Variants in JARID2 observed in about 807,000 individuals in gnomAD.
The protein encoded by JARID2 is protein Jumonji.
Under a neutral mutation model 125.6 loss-of-function variants are expected in JARID2, and 21 were observed. The observed-to-expected ratio is 0.17, with a 90% CI of 0.12 to 0.24. The LOEUF (loss-of-function observed/expected upper bound fraction) is 0.24, where lower values mean the gene tolerates loss of function less well. Ranked by LOEUF, JARID2 falls within the 10% of genes least tolerant of loss-of-function variation. JARID2 has a pLI of 1.00. For missense variants in JARID2, 1,303 were observed against 1,639.6 expected (o/e 0.79, Z 3.55); for synonymous variants, 736 against 661.6 (o/e 1.11, Z -1.73).
At position 15,426,510 on chromosome 6, in the gene JARID2, C is replaced by G. The variant is rs112326417; in HGVS notation, c.323+16145C>G. ...TAGTTTGTAGAATTAAATGAAATAACCTGTCTCCACACTATGTAGGAGGTT... is the reference window on the plus strand; with the variant it reads ...TAGTTTGTAGAATTAAATGAAATAAGCTGTCTCCACACTATGTAGGAGGTT... On this transcript the variant is annotated intron_variant, in intron 3 of 17. Coordinates refer to ENST00000341776, the MANE Select transcript of JARID2 (RefSeq NM_004973.4). Among the ~76,000 whole-genome samples the G allele has an allele frequency of 3.2e-4, 49 of 152,274 alleles. 1 individual carries two copies. Among genetic ancestry groups the G allele is most frequent in the Non-Finnish European group, 5.1e-4 (35 of 68,018 alleles).
At chr6:15,419,058 C>A (rs1424176742) in intron 3 of JARID2, among the ~76,000 whole-genome samples, 1 of 152,038 alleles carries the variant, frequency 6.6e-6, no homozygotes, top group South Asian at 2.1e-4. Flanking sequence ...TAAATAAGTG[C>A]CTAGTTTTTA....
intron 4 of JARID2, among the ~76,000 whole-genome samples, chr6:15,460,118 C>T (rs1395741211): frequency 1.3e-5 from 2 of 152,118 alleles, no homozygotes; most frequent in African/African-American, 2.4e-5. Context: ...TTGGTTTTCT[C>T]CTAGAGTCAG....
chr6:15,290,995 G>T (rs1761187215), intron 1 of JARID2, among the ~76,000 whole-genome samples: 1 of 152,150 alleles, frequency 6.6e-6, no homozygotes, highest in South Asian at 2.1e-4. Context: ...CCTTTGGGAG[G>T]CTGAGGCAGT....
At chr6:15,347,285 T>C (rs1416952044) in intron 1 of JARID2, among the ~76,000 whole-genome samples, 1 of 152,120 alleles carries the variant, frequency 6.6e-6, no homozygotes, top group African/African-American at 2.4e-5. Flanking sequence ...TTTGAAAGTA[T>C]TTAGAAAGGA....
At chr6:15,383,248 A>G (rs1454494746) in intron 2 of JARID2, among the ~76,000 whole-genome samples, 1 of 149,138 alleles carries the variant, frequency 6.7e-6, no homozygotes, top group East Asian at 2.0e-4. Flanking sequence ...CAGTCTTCCC[A>G]CCTCACCTTC....
At chr6:15,405,288 C>T (rs1039845431) in intron 2 of JARID2, among the ~76,000 whole-genome samples, 2 of 152,154 alleles carry the variant, frequency 1.3e-5, no homozygotes, top group African/African-American at 4.8e-5. Context: ...TTGGGAGATG[C>T]GGTGAAAAGC....
At chr6:15,473,478 C>A (rs888394806) in intron 5 of JARID2, among the ~76,000 whole-genome samples, 1 of 129,270 alleles carries the variant, frequency 7.7e-6, no homozygotes, top group Non-Finnish European at 1.6e-5. Context: ...GTGATGCTAC[C>A]TGGGTGACTT....
intron 1 of JARID2, among the ~76,000 whole-genome samples, chr6:15,282,190 A>G (rs1394229379): frequency 6.6e-6 from 1 of 152,028 alleles, no homozygotes; most frequent in Non-Finnish European, 1.5e-5. Flanking sequence ...TGATCCGCCC[A>G]CCTTGGCATC....
In JARID2 at chr6:15,520,100, G is replaced by A. The variant is rs779111412; in HGVS notation, c.3590G>A (p.Cys1197Tyr). The A allele has an allele frequency of 1.2e-5, 20 of 1,613,486 alleles. No individual in the cohort carries two copies. Among genetic ancestry groups the A allele is most frequent in the African/African-American group, 2.7e-5 (2 of 74,824 alleles). Residue 1197 changes from cysteine to tyrosine, a missense_variant, in exon 18 of 18, where the codon TGC becomes TAC. Around this residue, in one of 11 missense-constraint regions of JARID2, gnomAD observed 75 missense variants for 66.0 expected, o/e 1.14. Transcript: ENST00000341776. ...ATTATCAGTCTGGTCAATCAGATCT[G>A]CGGCAAAGTGTCTGGTAAAAACGGC... is the stretch of plus-strand genomic sequence containing the variant. ...EQIISLVNQI[C>Y]GKVSGKNGSI...
chr6:15,374,330 C>T (rs1164939158), intron 2 of JARID2, 78 bp downstream of exon 2: 5 of 1,498,222 alleles, frequency 3.3e-6, no homozygotes, highest in Non-Finnish European at 4.6e-6. Flanking sequence ...TGGATGTATT[C>T]TGGCAGCTTG....
At chr6:15,385,004 G>A (rs890694948) in intron 2 of JARID2, among the ~76,000 whole-genome samples, 1 of 152,182 alleles carries the variant, frequency 6.6e-6, no homozygotes, top group African/African-American at 2.4e-5. Flanking sequence ...TTCTGCCTTT[G>A]TATTCCTCCT....
intron 3 of JARID2, among the ~76,000 whole-genome samples, chr6:15,448,315 A>T (rs1017394541): frequency 6.6e-6 from 1 of 152,208 alleles, no homozygotes; most frequent in Non-Finnish European, 1.5e-5. Flanking sequence ...CATTGGTAGG[A>T]GCAGTTTATC....
At chr6:15,508,853 A>T in intron 12 of JARID2, 1 of 682,112 alleles carries the variant, frequency 1.5e-6, no homozygotes, top group Non-Finnish European at 2.2e-6. Flanking sequence ...CCTTAGGGTT[A>T]AGGAACAGTA....
At chr6:15,322,642 C>T (rs928513113) in intron 1 of JARID2, among the ~76,000 whole-genome samples, 14 of 152,128 alleles carry the variant, frequency 9.2e-5, no homozygotes, top group Admixed American at 2.6e-4. Context: ...TAGCCAGGAG[C>T]CAGGGAATAT....
rs547602710 is a variant in JARID2, at chr6:15,263,230, G to C, written c.45+16646G>C. Among the ~76,000 whole-genome samples the C allele has an allele frequency of 2.0e-5, 3 of 152,110 alleles. No individual in the cohort carries two copies. In the East Asian group the frequency reaches 5.8e-4, roughly 29 times the overall value. The stretch of plus-strand genomic sequence containing the variant: ...CAAACCGTAAACACTGGTCACACGT[G>C]CTTGTGCTGGAATCATATGCTCCAG... On this transcript the variant is annotated intron_variant, in intron 1 of 17. Transcript: ENST00000341776.
intron 1 of JARID2, among the ~76,000 whole-genome samples, chr6:15,343,719 G>T (rs1763150011): frequency 6.6e-6 from 1 of 152,124 alleles, no homozygotes; most frequent in Non-Finnish European, 1.5e-5. Flanking sequence ...GCAGGGTCTG[G>T]TTAAGATCAG....
intron 1 of JARID2, among the ~76,000 whole-genome samples, chr6:15,286,459 C>A (rs1761004708): frequency 6.6e-6 from 1 of 151,576 alleles, no homozygotes; most frequent in African/African-American, 2.4e-5. Context: ...ACCATGTTGA[C>A]CGGGCTGTTC....
intron 1 of JARID2, among the ~76,000 whole-genome samples, chr6:15,304,258 C>T (rs562461918): frequency 1.5e-4 from 22 of 149,084 alleles, no homozygotes; most frequent in Middle Eastern, 3.5e-3. Flanking sequence ...TGCTCCTTTT[C>T]CTCCCTCCTG....
intron 1 of JARID2, among the ~76,000 whole-genome samples, chr6:15,342,972 C>A (rs1763117698): frequency 6.6e-6 from 1 of 152,070 alleles, no homozygotes; most frequent in African/African-American, 2.4e-5. Context: ...TTTTGGGAGG[C>A]CAAGACATTT....
Sources: allele counts gnomAD v4.1 joint callset (sites outside exome capture counted in the v4.1 genomes callset), GRCh38; gene constraint gnomAD v4.1.1; regional missense constraint gnomAD v4.1.1; transcripts MANE v1.5; gene names NCBI Gene and HGNC (gene_info 2026-07-23, HGNC 2026-07-21).